Variants in MGMT observed in about 807,000 individuals in gnomAD.
MGMT encodes O-6-methylguanine-DNA methyltransferase.
In MGMT, 14 loss-of-function variants were observed where a neutral mutation model predicts 15.9. The ratio of observed to expected loss-of-function variants is 0.88; its 90% confidence interval spans 0.58 to 1.37. MGMT has a LOEUF of 1.37. MGMT is among the 40% of genes most tolerant of loss of function. MGMT has a pLI of 0.00. For synonymous variants in MGMT, 130 were observed against 118.2 expected, an observed-to-expected ratio of 1.10 and a Z score of -0.65; for missense variants, 282 against 268.1, an observed-to-expected ratio of 1.05 and a Z score of -0.36.
At chr10:129,558,882 CCTT>C (rs1354439666) in intron 2 of MGMT, among the ~76,000 whole-genome samples, 3 of 152,008 alleles carry the variant, frequency 2.0e-5, no homozygotes, top group African/African-American at 7.3e-5. Context: ...TCTCAGATAC[CCTT>C]CTTAGGAAGC....
At chr10:129,732,933 A>G (rs1222316468) in intron 3 of MGMT, among the ~76,000 whole-genome samples, 25 of 149,614 alleles carry the variant, frequency 1.7e-4, no homozygotes, top group African/African-American at 4.7e-4. Context: ...TATATGTGCC[A>G]CATTTTCTTA....
rs1845947234 is a variant in MGMT, at chr10:129,532,836, G to C, written c.-12-3405G>C. On this transcript the variant is annotated intron_variant, in intron 1 of 4. Coordinates refer to ENST00000651593, the MANE Select transcript of MGMT (RefSeq NM_002412.5). This position sits in a 1 kb window ranked among gnomAD's most constrained non-coding sequence, Gnocchi z 5.3. ...GATGAGGAAATAGAGGCTTGAGAGAGGAGTGCGCAGCTAGTGTCTGACCAG... is the reference window on the plus strand; with the variant it reads ...GATGAGGAAATAGAGGCTTGAGAGACGAGTGCGCAGCTAGTGTCTGACCAG... Among the ~76,000 whole-genome samples the C allele has an allele frequency of 6.6e-6, 1 of 152,210 alleles. No individual in the cohort carries two copies. The highest frequency in any genetic ancestry group is 1.5e-5 in the Non-Finnish European group (1 of 68,036).
intron 2 of MGMT, among the ~76,000 whole-genome samples, chr10:129,592,475 GT>G (rs1461186800): frequency 1.3e-5 from 2 of 152,174 alleles, no homozygotes; most frequent in Non-Finnish European, 2.9e-5. Flanking sequence ...GATGGATAAT[GT>G]TATAAAATTA....
At chr10:129,543,996 G>A (rs1846072597) in intron 2 of MGMT, among the ~76,000 whole-genome samples, 2 of 152,196 alleles carry the variant, frequency 1.3e-5, no homozygotes, top group South Asian at 4.1e-4. Flanking sequence ...GCAGAGAGAG[G>A]TGGATGTTTC....
At position 129,589,227 on chromosome 10, in the gene MGMT, T is replaced by C. The variant is rs1179257741; in HGVS notation, c.125+52850T>C. Among the ~76,000 whole-genome samples, 3 of 152,218 alleles carry C rather than the reference T, an allele frequency of 2.0e-5. No homozygotes were observed. In the East Asian group the frequency reaches 5.8e-4, roughly 29 times the overall value. On this transcript the variant is annotated intron_variant, in intron 2 of 4. Transcript: ENST00000651593. ...GCCTAGTGCCAACAGGCCTTAATTC[T>C]GTGTTCTGGTGTCTCATGAGTGGCT... is the stretch of plus-strand genomic sequence containing the variant.
At chr10:129,539,166 T>A (rs1199515445) in intron 2 of MGMT, among the ~76,000 whole-genome samples, 2 of 152,198 alleles carry the variant, frequency 1.3e-5, no homozygotes, top group Non-Finnish European at 2.9e-5. Flanking sequence ...CTTTTTGTGT[T>A]CCCTGTAAGA....
At chr10:129,570,778 T>C (rs1846408984) in intron 2 of MGMT, among the ~76,000 whole-genome samples, 1 of 152,248 alleles carries the variant, frequency 6.6e-6, no homozygotes, top group Admixed American at 6.5e-5. Context: ...TCATGAGGTG[T>C]AAATTTAAAT....
chr10:129,482,230 A>T (rs1270335883), intron 1 of MGMT, among the ~76,000 whole-genome samples: 1 of 152,226 alleles, frequency 6.6e-6, no homozygotes, highest in Non-Finnish European at 1.5e-5. Flanking sequence ...GTACTTTCCC[A>T]GTATTTTTCT....
intron 2 of MGMT, among the ~76,000 whole-genome samples, chr10:129,640,153 A>G (rs1398690629): frequency 2.7e-5 from 4 of 149,598 alleles, no homozygotes; most frequent in Admixed American, 6.7e-5. Context: ...CCTGGAGTTC[A>G]GAGGCACGAT....
Position 129,646,754 on chromosome 10 carries a change from A to ATATATTTTTTTTTT in MGMT, c.126-61140_126-61139insATATTTTTTTTTTT. On this transcript the variant is annotated intron_variant, in intron 2 of 4. Transcript: ENST00000651593. The stretch of plus-strand genomic sequence containing the variant: ...TATATATATATATATATATATATAT[A>ATATATTTTTTTTTT]TTTTCAGGGAATGGTAGAGAACAGT... Among the ~76,000 whole-genome samples, 146 of 86,602 alleles carry ATATATTTTTTTTTT rather than the reference A, an allele frequency of 1.7e-3. 1 individual carries two copies. Among genetic ancestry groups the ATATATTTTTTTTTT allele is most frequent in the African/African-American group, 5.5e-3 (139 of 25,426 alleles). The allele number at this position is 86,602 out of a possible 152,430, so 56.8% of individuals were successfully genotyped here.
At chr10:129,705,513 A>G (rs1045322939) in intron 2 of MGMT, among the ~76,000 whole-genome samples, 1 of 152,234 alleles carries the variant, frequency 6.6e-6, no homozygotes, top group African/African-American at 2.4e-5. Flanking sequence ...CTTTTTAACT[A>G]TAAGGAAGGT....
intron 3 of MGMT, among the ~76,000 whole-genome samples, chr10:129,752,212 G>A (rs1848757367): frequency 6.6e-6 from 1 of 151,856 alleles, no homozygotes; most frequent in Non-Finnish European, 1.5e-5. Flanking sequence ...ATTTCTTTTT[G>A]TGAATTGACC....
rs899538490 is a variant in MGMT, at chr10:129,768,599, C to T, written c.*1602C>T. Among the ~76,000 whole-genome samples the T allele has an allele frequency of 4.6e-5, 7 of 152,238 alleles. No homozygotes were observed. The highest frequency in any genetic ancestry group is 7.3e-5 in the Non-Finnish European group (5 of 68,044). On this transcript the variant is annotated 3_prime_UTR_variant, in exon 5 of 5. Coordinates refer to ENST00000651593, the MANE Select transcript of MGMT (RefSeq NM_002412.5). ...GATGATGGCCCTCCCCAGTGATGGC[C>T]GGTCACCAGGCACGGCTTTCCCCTC... is the stretch of plus-strand genomic sequence containing the variant.
rs557829977 is a variant in MGMT at position 129,623,616 on chromosome 10, G to A, written c.126-84279G>A. On this transcript the variant is annotated intron_variant, in intron 2 of 4. Transcript: ENST00000651593. Reference sequence around the variant, plus strand: ...GAGTACAGTGGTGCAATCATAGCTTGCTGTAGCCTCAAGTGATCCCTCCCA... The same window carrying A: ...GAGTACAGTGGTGCAATCATAGCTTACTGTAGCCTCAAGTGATCCCTCCCA... 1.5e-3 allele frequency among the ~76,000 whole-genome samples: 234 copies of A among 152,214 alleles called. 1 individual carries two copies. The highest frequency in any genetic ancestry group is 2.2e-3 in the Non-Finnish European group (149 of 68,008).
chr10:129,671,141 A>T (rs10764894), intron 2 of MGMT, among the ~76,000 whole-genome samples: 81,282 of 151,766 alleles, frequency 0.54, 22,162 homozygotes, highest in East Asian at 0.76. Flanking sequence ...ATTAGTAAAA[A>T]TCGAATTACA....
chr10:129,542,317 C>G (rs780683321), intron 2 of MGMT, among the ~76,000 whole-genome samples: 1 of 152,124 alleles, frequency 6.6e-6, no homozygotes, highest in African/African-American at 2.4e-5. Flanking sequence ...CCGTGCAGGT[C>G]GGTCTGACCA....
At chr10:129,692,224 C>T (rs761631381) in intron 2 of MGMT, among the ~76,000 whole-genome samples, 3 of 152,074 alleles carry the variant, frequency 2.0e-5, no homozygotes, top group Non-Finnish European at 2.9e-5. Flanking sequence ...AGGTCTGGAG[C>T]GTTACAGGTG....
intron 2 of MGMT, among the ~76,000 whole-genome samples, chr10:129,585,447 C>A (rs1273627887): frequency 1.3e-5 from 2 of 152,204 alleles, no homozygotes; most frequent in Non-Finnish European, 2.9e-5. Context: ...AGGCACCAAA[C>A]CCTTGGTATC....
At position 129,646,754 on chromosome 10, in the gene MGMT, A is replaced by ATATATATATATATTTTTTTTT; in HGVS notation, c.126-61140_126-61139insATATATATATATTTTTTTTTT. On this transcript the variant is annotated intron_variant, in intron 2 of 4. Coordinates refer to ENST00000651593, the MANE Select transcript of MGMT (RefSeq NM_002412.5). ...TATATATATATATATATATATATAT[A>ATATATATATATATTTTTTTTT]TTTTCAGGGAATGGTAGAGAACAGT... Among the ~76,000 whole-genome samples, 26 of 86,634 alleles carry ATATATATATATATTTTTTTTT rather than the reference A, an allele frequency of 3.0e-4. 1 individual carries two copies. Among genetic ancestry groups the ATATATATATATATTTTTTTTT allele is most frequent in the Non-Finnish European group, 4.9e-4 (19 of 38,898 alleles). The allele number at this position is 86,634 out of a possible 152,430, so 56.8% of individuals were successfully genotyped here.
Sources: gnomAD v4.1 joint callset for allele counts (sites outside exome capture counted in the v4.1 genomes callset) on GRCh38, gnomAD v4.1.1 for gene constraint, Gnocchi (gnomAD v3.1) non-coding constraint, MANE v1.5 for transcripts, NCBI Gene and HGNC (gene_info 2026-07-23, HGNC 2026-07-21) for gene names.